The following STIM2 variants were observed in gnomAD, a reference collection of about 807,000 sequenced individuals.
STIM2 encodes the protein stromal interaction molecule 2.
A neutral mutation model predicts 85.8 loss-of-function variants in STIM2; 31 were observed. The observed-to-expected ratio is 0.36, with a 90% confidence interval of 0.27 to 0.49. STIM2 has a LOEUF of 0.49. Among genes scored for constraint, STIM2 ranks in the 20% least tolerant of loss-of-function variants. The pLI is 0.98. For missense variants in STIM2, 841 were observed against 927.6 expected, an observed-to-expected ratio of 0.91 and a Z score of 1.21; for synonymous variants, 356 against 331.1, an observed-to-expected ratio of 1.08 and a Z score of -0.82.
At chr4:26,993,760 C>G (rs770653354) in intron 3 of STIM2, among the ~76,000 whole-genome samples, 24 of 152,154 alleles carry the variant, frequency 1.6e-4, no homozygotes, top group Non-Finnish European at 3.4e-4. Flanking sequence ...GAACTGCGTC[C>G]AGCGCTTAAC....
At chr4:26,990,559 G>A (rs1471880172) in intron 3 of STIM2, among the ~76,000 whole-genome samples, 2 of 152,112 alleles carry the variant, frequency 1.3e-5, no homozygotes, top group African/African-American at 2.4e-5. Context: ...GACCTGAAAA[G>A]CATAGGCAAC....
At chr4:26,880,871 C>A (rs928465043) in intron 1 of STIM2, among the ~76,000 whole-genome samples, 1 of 151,176 alleles carries the variant, frequency 6.6e-6, no homozygotes, top group East Asian at 1.9e-4. Flanking sequence ...TTATTTTATT[C>A]TTCTCTTGTA....
At chr4:26,911,876 GT>G (rs1271974387) in intron 1 of STIM2, among the ~76,000 whole-genome samples, 1 of 152,064 alleles carries the variant, frequency 6.6e-6, no homozygotes, top group African/African-American at 2.4e-5. Context: ...CATTAATCCT[GT>G]TATGTGCTAG....
In STIM2 at chr4:27,024,092, A is replaced by G. The variant is rs756963050; in HGVS notation, c.*1096A>G. 6.6e-6 allele frequency: 1 copy of G among 152,638 alleles called. No homozygotes were observed. The highest frequency in any genetic ancestry group is 1.5e-5 in the Non-Finnish European group (1 of 68,042). 9.5% of individuals were successfully genotyped at this position (152,638 alleles called of 1,614,324 possible). ...ATGTTTTGGACGTAAGTTGTCAACA[A>G]ATTTCTATTTTATATTGTTATATTT... is the stretch of plus-strand genomic sequence containing the variant. On this transcript the variant is annotated 3_prime_UTR_variant, in exon 12 of 12. Transcript: ENST00000467087.
chr4:26,929,679 ATTCT>A (rs1725131692), intron 2 of STIM2, among the ~76,000 whole-genome samples: 1 of 151,924 alleles, frequency 6.6e-6, no homozygotes, highest in African/African-American at 2.4e-5. Flanking sequence ...CATATGAAAA[ATTCT>A]TTATTTTTAT....
intron 3 of STIM2, among the ~76,000 whole-genome samples, chr4:26,992,171 T>TAC: frequency 6.6e-6 from 1 of 152,294 alleles, no homozygotes; most frequent in Non-Finnish European, 1.5e-5. Context: ...GAATTTCTTA[T>TAC]ACATACAAAT....
At chr4:26,961,241 C>T (rs1279847167) in intron 3 of STIM2, among the ~76,000 whole-genome samples, 2 of 151,996 alleles carry the variant, frequency 1.3e-5, no homozygotes, top group Non-Finnish European at 2.9e-5. Flanking sequence ...AGGCTCTGGC[C>T]AAATTGAGCA....
intron 2 of STIM2, among the ~76,000 whole-genome samples, chr4:26,934,639 C>T (rs987677575): frequency 2.6e-5 from 4 of 152,118 alleles, no homozygotes; most frequent in African/African-American, 4.8e-5. Context: ...CAAGGCTAGG[C>T]GCGGTGGCTC....
chr4:26,891,281 G>A (rs1251822746), intron 1 of STIM2, among the ~76,000 whole-genome samples: 1 of 152,104 alleles, frequency 6.6e-6, no homozygotes, highest in East Asian at 1.9e-4. Flanking sequence ...TCAGTTGAAG[G>A]CCTTAGGAGC....
At chr4:26,872,539 A>G (rs1489440491) in intron 1 of STIM2, among the ~76,000 whole-genome samples, 1 of 152,220 alleles carries the variant, frequency 6.6e-6, no homozygotes, top group African/African-American at 2.4e-5. Context: ...TGTTTTTTAC[A>G]ATCTTTTATA....
intron 1 of STIM2, among the ~76,000 whole-genome samples, chr4:26,910,857 T>A (rs1577432567): frequency 6.6e-6 from 1 of 151,702 alleles, no homozygotes; most frequent in Admixed American, 6.6e-5. Flanking sequence ...TATGTAGGAG[T>A]GAAATAATCA....
intron 11 of STIM2, chr4:27,019,519 A>G: frequency 7.8e-7 from 1 of 1,279,956 alleles, no homozygotes; most frequent in Non-Finnish European, 1.0e-6. Flanking sequence ...CATTGATGGA[A>G]CGTTCAGTTC....
intron 3 of STIM2, among the ~76,000 whole-genome samples, chr4:26,972,024 T>C (rs1177195494): frequency 6.6e-6 from 1 of 152,250 alleles, no homozygotes; most frequent in Non-Finnish European, 1.5e-5. Flanking sequence ...AGTTCACTCA[T>C]GATTTGGCTC....
At chr4:26,907,044 C>T (rs1724157191) in intron 1 of STIM2, among the ~76,000 whole-genome samples, 1 of 151,806 alleles carries the variant, frequency 6.6e-6, no homozygotes, top group East Asian at 1.9e-4. Context: ...TAATGAGTCT[C>T]AGGCATTTGG....
intron 1 of STIM2, among the ~76,000 whole-genome samples, chr4:26,917,673 A>C (rs2109064055): frequency 6.6e-6 from 1 of 151,914 alleles, no homozygotes; most frequent in East Asian, 1.9e-4. Flanking sequence ...CTCACTGTTG[A>C]CTCCTCTTAG....
intron 2 of STIM2, among the ~76,000 whole-genome samples, chr4:26,942,500 C>G (rs986569541): frequency 6.6e-6 from 1 of 152,062 alleles, no homozygotes; most frequent in Non-Finnish European, 1.5e-5. Context: ...TACTGTTTCT[C>G]TCCTCTTGTT....
chr4:26,930,522 A>G (rs1455682275), intron 2 of STIM2, among the ~76,000 whole-genome samples: 1 of 152,204 alleles, frequency 6.6e-6, no homozygotes, highest in East Asian at 1.9e-4. Flanking sequence ...AACAAAATCA[A>G]CTTTAAGACC....
intron 2 of STIM2, among the ~76,000 whole-genome samples, chr4:26,937,637 C>G (rs571975973): frequency 1.3e-5 from 2 of 152,226 alleles, no homozygotes; most frequent in South Asian, 4.1e-4. Flanking sequence ...ATTATCCCAA[C>G]TGGCATTTTT....
intron 3 of STIM2, among the ~76,000 whole-genome samples, chr4:26,967,387 C>A (rs759254059): frequency 6.6e-6 from 1 of 152,104 alleles, no homozygotes; most frequent in Non-Finnish European, 1.5e-5. Flanking sequence ...AGGCAAAGAA[C>A]TGATGAATGA....
Sources: gnomAD v4.1 joint callset for allele counts (sites outside exome capture counted in the v4.1 genomes callset) on GRCh38, gnomAD v4.1.1 for gene constraint, MANE v1.5 for transcripts, NCBI Gene and HGNC (gene_info 2026-07-23, HGNC 2026-07-21) for gene names.